Variants in EHMT1 observed in about 807,000 individuals in gnomAD.
EHMT1 encodes histone-lysine N-methyltransferase EHMT1.
EHMT1 carries 15 observed loss-of-function variants against 147.2 expected under a neutral mutation model. That is an observed-to-expected ratio of 0.10 (90% CI 0.07 to 0.16). The LOEUF is 0.16. Among genes scored for constraint, EHMT1 ranks in the 10% least tolerant of loss-of-function variants. The pLI, the probability that EHMT1 is intolerant of heterozygous loss-of-function variation, is 1.00. For missense variants in EHMT1, 1,587 were observed against 1,772.4 expected (o/e 0.90, Z 1.88); for synonymous variants, 795 against 709.6 (o/e 1.12, Z -1.91).
chr9:137,697,430 A>C (rs1943482655), intron 1 of EHMT1, among the ~76,000 whole-genome samples: 1 of 152,216 alleles, frequency 6.6e-6, no homozygotes, highest in Admixed American at 6.5e-5. Flanking sequence ...GCCCACTGGG[A>C]TCGGCCGGCC....
At position 137,721,957 on chromosome 9, in the gene EHMT1, G is replaced by A. The variant is rs144608169; in HGVS notation, c.642+4775G>A. 1.6e-4 allele frequency among the ~76,000 whole-genome samples: 24 copies of A among 151,238 alleles called. No individual in the cohort carries two copies. The East Asian group carries it at 4.6e-3, about 29-fold the overall frequency. ...GTTGTGTGTGATAACTCTTCACCTA[G>A]CCCTAGATCTCAATTTCTCTAATTT... On this transcript the variant is annotated intron_variant, in intron 3 of 26. Coordinates refer to ENST00000460843, the MANE Select transcript of EHMT1 (RefSeq NM_024757.5).
At chr9:137,710,929 A>C in intron 1 of EHMT1, 38 bp from the exon 2 acceptor site, 1 of 1,572,922 alleles carries the variant, frequency 6.4e-7, no homozygotes, top group South Asian at 1.2e-5. Context: ...GCGGCCTCCC[A>C]CTGAACCCGG....
intron 1 of EHMT1, chr9:137,641,665 G>A (rs1383927201): frequency 2.9e-5 from 6 of 210,006 alleles, no homozygotes; most frequent in Non-Finnish European, 4.8e-5. Context: ...CTTGGTTGCC[G>A]CTTGTTCTGT....
At chr9:137,832,621 T>A (rs1956294472) in intron 25 of EHMT1, 1 of 152,962 alleles carries the variant, frequency 6.5e-6, no homozygotes, top group African/African-American at 2.5e-5. Flanking sequence ...CCACGTTGCC[T>A]ATCTGCCTTA....
intron 1 of EHMT1, among the ~76,000 whole-genome samples, chr9:137,647,478 G>A (rs568145015): frequency 1.7e-3 from 253 of 152,214 alleles, no homozygotes; most frequent in Non-Finnish European, 2.9e-3. Flanking sequence ...TGGGGTCCCA[G>A]CTTCTTCTCC....
chr9:137,768,150 A>G, intron 10 of EHMT1, among the ~76,000 whole-genome samples: 1 of 152,094 alleles, frequency 6.6e-6, no homozygotes, highest in East Asian at 1.9e-4. Flanking sequence ...GACCAGCAAA[A>G]TCACCCAGTG....
rs1956005273 is a variant in EHMT1, at chr9:137,828,882, G to C, written c.3541-5467G>C. On this transcript the variant is annotated intron_variant, in intron 25 of 26. Transcript: ENST00000460843. The surrounding 1 kb of genome is among the most constrained non-coding windows in gnomAD (Gnocchi z 5.3). ...CGCCTCTGTGCCTCCCCTCCTGCTTGCTGCGTGGGGGCTTGTGGAGCCTGC... is the reference window on the plus strand; with the variant it reads ...CGCCTCTGTGCCTCCCCTCCTGCTTCCTGCGTGGGGGCTTGTGGAGCCTGC... 6.6e-6 allele frequency among the ~76,000 whole-genome samples: 1 copy of C among 152,158 alleles called. No homozygotes were observed. Among genetic ancestry groups the C allele is most frequent in the Non-Finnish European group, 1.5e-5 (1 of 68,022 alleles).
At chr9:137,818,279 G>A (rs1445153209) in intron 25 of EHMT1, 141 bp downstream of exon 25, 6 of 924,878 alleles carry the variant, frequency 6.5e-6, no homozygotes, top group South Asian at 4.1e-5. Flanking sequence ...GCTGAGTGCC[G>A]CATTTGGAGC....
intron 25 of EHMT1, among the ~76,000 whole-genome samples, chr9:137,824,534 G>C (rs1325393115): frequency 6.6e-6 from 1 of 152,098 alleles, no homozygotes; most frequent in African/African-American, 2.4e-5. Context: ...CCGGGCGTCA[G>C]TACAGGCCAA....
In EHMT1 at chr9:137,817,544, C is replaced by T. The variant is rs765411944; in HGVS notation, c.3461+19C>T. 1.9e-6 allele frequency: 3 copies of T among 1,614,048 alleles called. No homozygotes were observed. Among genetic ancestry groups the T allele is most frequent in the Non-Finnish European group, 2.5e-6 (3 of 1,179,960 alleles). ...TCTGCGAGTGAGTGAGTCCCTGGGTCACCCCAAGCCTGGTGTCATTTCTGG... is the reference window on the plus strand; with the variant it reads ...TCTGCGAGTGAGTGAGTCCCTGGGTTACCCCAAGCCTGGTGTCATTTCTGG... On this transcript the variant is annotated intron_variant, in intron 24 of 26. Coordinates refer to ENST00000460843, the MANE Select transcript of EHMT1 (RefSeq NM_024757.5).
intron 10 of EHMT1, among the ~76,000 whole-genome samples, chr9:137,770,467 G>T (rs1950520665): frequency 6.6e-6 from 1 of 152,152 alleles, no homozygotes; most frequent in African/African-American, 2.4e-5. Flanking sequence ...TTGACAGTGG[G>T]TTCAGATTTC....
At chr9:137,670,514 T>C (rs192006721) in intron 1 of EHMT1, among the ~76,000 whole-genome samples, 13 of 152,270 alleles carry the variant, frequency 8.5e-5, no homozygotes, top group Middle Eastern at 6.8e-3. Context: ...CTCCGTTTCC[T>C]GCTCCCTTCA....
At chr9:137,670,363 T>A (rs892708729) in intron 1 of EHMT1, among the ~76,000 whole-genome samples, 5 of 152,094 alleles carry the variant, frequency 3.3e-5, no homozygotes, top group Non-Finnish European at 7.4e-5. Context: ...TCGGTAGCCT[T>A]CCTCCCTTGG....
At chr9:137,780,837 C>T (rs77560098) in intron 14 of EHMT1, among the ~76,000 whole-genome samples, 27 of 63,368 alleles carry the variant, frequency 4.3e-4, no homozygotes, top group Non-Finnish European at 5.5e-4. Context: ...GACGCCGAGA[C>T]GTGTGGTGAT....
chr9:137,729,512 G>A (rs1289906824), intron 4 of EHMT1, among the ~76,000 whole-genome samples: 1 of 151,998 alleles, frequency 6.6e-6, no homozygotes, highest in African/African-American at 2.4e-5. Context: ...GCGTGAACCC[G>A]GGAGGCGGAG....
chr9:137,632,632 G>C (rs1452853546), intron 1 of EHMT1, among the ~76,000 whole-genome samples: 3 of 152,166 alleles, frequency 2.0e-5, no homozygotes, highest in Non-Finnish European at 4.4e-5. Flanking sequence ...TCGAGCTCTT[G>C]GACTCAAGCC....
intron 23 of EHMT1, 175 bp from the exon 24 acceptor site, chr9:137,817,264 C>G (rs1954993239): frequency 1.4e-6 from 1 of 725,254 alleles, no homozygotes; most frequent in Non-Finnish European, 2.4e-6. Flanking sequence ...GGGTTCTTGG[C>G]TCCCTGAGAG....
At chr9:137,800,391 G>T in intron 17 of EHMT1, 1 of 195,460 alleles carries the variant, frequency 5.1e-6, no homozygotes, top group Non-Finnish European at 1.1e-5. Flanking sequence ...CCCAGCTGCT[G>T]CTCTGATGGG....
chr9:137,766,063 G>A (rs1490502654), intron 10 of EHMT1, among the ~76,000 whole-genome samples: 1 of 152,004 alleles, frequency 6.6e-6, no homozygotes, highest in East Asian at 1.9e-4. Flanking sequence ...TTCAAGACCA[G>A]CCTGGGCAAC....
Sources: gnomAD v4.1 joint callset for allele counts (sites outside exome capture counted in the v4.1 genomes callset) on GRCh38, gnomAD v4.1.1 for gene constraint, Gnocchi (gnomAD v3.1) non-coding constraint, MANE v1.5 for transcripts, NCBI Gene and HGNC (gene_info 2026-07-23, HGNC 2026-07-21) for gene names.